Variants in NBAS observed in about 807,000 individuals in gnomAD.
NBAS encodes the protein NAG/BC035112 fusion.
NBAS carries 219 observed loss-of-function variants against 302.5 expected under a neutral mutation model. The ratio of observed to expected loss-of-function variants is 0.72; its 90% confidence interval spans 0.65 to 0.81. The LOEUF (loss-of-function observed/expected upper bound fraction) is 0.81, where lower values mean the gene tolerates loss of function less well. Among genes scored for constraint, NBAS ranks in the 30% least tolerant of loss-of-function variants. The pLI is 0.00. For synonymous variants in NBAS, 1,118 were observed against 1,021.6 expected, an observed-to-expected ratio of 1.09 and a Z score of -1.80; for missense variants, 2,932 against 2,841.6, an observed-to-expected ratio of 1.03 and a Z score of -0.72.
At chr2:15,406,116 C>CAATAAAAAAAAAAAAAAAA (rs1676400663) in intron 25 of NBAS, among the ~76,000 whole-genome samples, 1 of 134,528 alleles carries the variant, frequency 7.4e-6, no homozygotes, top group Non-Finnish European at 1.6e-5. Flanking sequence ...AAAAAAAAAA[C>CAATAAAAAAAAAAAAAAAA]AAAACAAAAA....
chr2:15,390,072 A>G (rs1675511945), intron 28 of NBAS, among the ~76,000 whole-genome samples: 1 of 152,214 alleles, frequency 6.6e-6, no homozygotes, highest in Non-Finnish European at 1.5e-5. Context: ...GAATATTCAG[A>G]CAAGTAGAAG....
intron 13 of NBAS, 83 bp downstream of exon 13, chr2:15,478,139 TAGAG>T: frequency 1.0e-6 from 1 of 969,876 alleles, no homozygotes; most frequent in South Asian, 1.4e-5. Flanking sequence ...CAAAAGTATC[TAGAG>T]ACTTTTTATA....
At chr2:15,542,509 C>T (rs1289520028) in intron 6 of NBAS, among the ~76,000 whole-genome samples, 4 of 138,004 alleles carry the variant, frequency 2.9e-5, no homozygotes, top group Non-Finnish European at 4.7e-5. Flanking sequence ...GCAGGGTCCT[C>T]GGCCTAGGAA....
intron 44 of NBAS, among the ~76,000 whole-genome samples, chr2:15,262,905 T>A (rs1228051694): frequency 6.6e-6 from 1 of 152,196 alleles, no homozygotes; most frequent in Non-Finnish European, 1.5e-5. Context: ...GAATAAAATG[T>A]TAAATAGCTG....
the NBAS span, among the ~76,000 whole-genome samples, chr2:15,046,596 C>T: frequency 0.021 from 3,248 of 152,198 alleles, 136 homozygotes; most frequent in East Asian, 0.1. Flanking sequence ...GGAAGTCACT[C>T]TATTTTTATT....
intron 9 of NBAS, among the ~76,000 whole-genome samples, chr2:15,522,975 G>A (rs543135578): frequency 1.3e-5 from 2 of 152,254 alleles, no homozygotes; most frequent in Non-Finnish European, 2.9e-5. Flanking sequence ...TATCAATACT[G>A]TATGTTTACA....
intron 44 of NBAS, among the ~76,000 whole-genome samples, chr2:15,251,163 T>C (rs919693727): frequency 6.6e-6 from 1 of 152,212 alleles, no homozygotes; most frequent in Non-Finnish European, 1.5e-5. Flanking sequence ...TGCAGGGCCA[T>C]GAATGAAGCT....
At chr2:15,437,044 A>C (rs1678052958) in intron 21 of NBAS, among the ~76,000 whole-genome samples, 1 of 152,220 alleles carries the variant, frequency 6.6e-6, no homozygotes, top group Admixed American at 6.5e-5. Flanking sequence ...CATGTACAGC[A>C]GATTTTTTTT....
the NBAS span, among the ~76,000 whole-genome samples, chr2:15,148,786 T>C: frequency 1.3e-5 from 2 of 151,946 alleles, no homozygotes; most frequent in East Asian, 3.9e-4. Flanking sequence ...TTTCTTGGAG[T>C]ATTGTTCTGC....
intron 6 of NBAS, among the ~76,000 whole-genome samples, chr2:15,546,442 G>T (rs1300212254): frequency 6.6e-6 from 1 of 152,150 alleles, no homozygotes; most frequent in Non-Finnish European, 1.5e-5. Context: ...AAGTCTGGGT[G>T]TTTCAGTCGG....
chr2:14,983,199 T>C, the NBAS span, among the ~76,000 whole-genome samples: 49 of 152,236 alleles, frequency 3.2e-4, no homozygotes, highest in African/African-American at 1.1e-3. Context: ...GTATAAAACA[T>C]TTAGAACTGT....
At chr2:15,400,509 A>G (rs1326295003) in intron 26 of NBAS, among the ~76,000 whole-genome samples, 1 of 152,202 alleles carries the variant, frequency 6.6e-6, no homozygotes, top group African/African-American at 2.4e-5. Flanking sequence ...GAAGTCAAAA[A>G]TGATCTAAAA....
chr2:15,303,010 C>A (rs1205620279), intron 40 of NBAS, among the ~76,000 whole-genome samples: 1 of 152,206 alleles, frequency 6.6e-6, no homozygotes, highest in Non-Finnish European at 1.5e-5. Context: ...CAGCTGCAGA[C>A]TGGAGACTGC....
intron 47 of NBAS, among the ~76,000 whole-genome samples, chr2:15,226,017 C>G (rs913511073): frequency 1.3e-5 from 2 of 152,190 alleles, no homozygotes; most frequent in African/African-American, 4.8e-5. Flanking sequence ...CAGACCTACT[C>G]TATCAAAATC....
the NBAS span, among the ~76,000 whole-genome samples, chr2:14,960,297 GC>G: frequency 6.6e-6 from 1 of 152,114 alleles, no homozygotes; most frequent in Non-Finnish European, 1.5e-5. Flanking sequence ...CCCATAGAAG[GC>G]CCTAAATGCT....
intron 44 of NBAS, among the ~76,000 whole-genome samples, chr2:15,267,196 C>T (rs914726560): frequency 6.6e-6 from 1 of 152,164 alleles, no homozygotes. Flanking sequence ...TGCATGCATG[C>T]ACACATATGC....
intron 21 of NBAS, among the ~76,000 whole-genome samples, chr2:15,447,916 G>T (rs2148531439): frequency 6.6e-6 from 1 of 152,236 alleles, no homozygotes; most frequent in Admixed American, 6.5e-5. Flanking sequence ...TCTGGTGAGG[G>T]CCCAGTCTCT....
intron 48 of NBAS, among the ~76,000 whole-genome samples, chr2:15,199,322 C>T (rs941522066): frequency 6.6e-6 from 1 of 151,992 alleles, no homozygotes; most frequent in Admixed American, 6.6e-5. Flanking sequence ...ATGAATATTA[C>T]AGAAATTTGA....
intron 26 of NBAS, among the ~76,000 whole-genome samples, chr2:15,400,157 A>G (rs6431699): frequency 0.63 from 95,203 of 151,648 alleles, 30,645 homozygotes; most frequent in Middle Eastern, 0.69. Flanking sequence ...TAGATGGACA[A>G]CAGACACAGA....
Sources: allele counts gnomAD v4.1 joint callset (sites outside exome capture counted in the v4.1 genomes callset), GRCh38; gene constraint gnomAD v4.1.1; transcripts MANE v1.5; gene names NCBI Gene and HGNC (gene_info 2026-07-23, HGNC 2026-07-21).